PPTC7: variants seen among roughly 807,000 people sequenced by gnomAD.
PPTC7 encodes protein phosphatase targeting COQ7.
Under a neutral mutation model 30.8 loss-of-function variants are expected in PPTC7, and 6 were observed. That is an observed-to-expected ratio of 0.19 (90% CI 0.11 to 0.38). The LOEUF (loss-of-function observed/expected upper bound fraction) is 0.38, where lower values mean the gene tolerates loss of function less well. Ranked by LOEUF, PPTC7 falls within the 10% of genes least tolerant of loss-of-function variation. PPTC7 has a pLI of 1.00. For missense variants in PPTC7, 218 were observed against 404.8 expected, an observed-to-expected ratio of 0.54 and a Z score of 3.96; for synonymous variants, 163 against 168.1, an observed-to-expected ratio of 0.97 and a Z score of 0.23.
At chr12:110,557,328 G>C (rs2064397622) in intron 1 of PPTC7, among the ~76,000 whole-genome samples, 1 of 152,240 alleles carries the variant, frequency 6.6e-6, no homozygotes, top group East Asian at 1.9e-4. Context: ...CCAGGCTGGA[G>C]TAGTGGCCTG....
At chr12:110,547,580 AGAT>A (rs2064317786) in intron 2 of PPTC7, among the ~76,000 whole-genome samples, 1 of 152,260 alleles carries the variant, frequency 6.6e-6, no homozygotes, top group Admixed American at 6.5e-5. Flanking sequence ...CAACAAAAAA[AGAT>A]GATGTCAAAA....
In PPTC7 at chr12:110,536,736, GAAAAGT is replaced by G. The variant is rs2064221190; in HGVS notation, c.*295_*300del. ...TCATTTTCAATACTTCAACTACTTT[GAAAAGT>G]AACAGCCACGGTGGCACTGAACACC... On this transcript the variant is annotated 3_prime_UTR_variant, in exon 6 of 6. Transcript: ENST00000354300. 1 of 338,122 alleles carries G rather than the reference GAAAAGT, an allele frequency of 3.0e-6. No homozygotes were observed. Among genetic ancestry groups the G allele is most frequent in the East Asian group, 5.0e-5 (1 of 20,178 alleles). 20.9% of individuals were successfully genotyped at this position (338,122 alleles called of 1,614,324 possible). A position where few individuals can be genotyped will look rare whatever the true frequency, so the allele number is the denominator to read the frequency against.
chr12:110,536,923 C>T lies in PPTC7; in HGVS notation c.*114G>A. The T allele has an allele frequency of 1.3e-6, 1 of 747,468 alleles. No individual in the cohort carries two copies. 46.3% of individuals were successfully genotyped at this position (747,468 alleles called of 1,614,324 possible). ...CTCAAGAAGACAGGCAAAAGACTTA[C>T]ATCACTGGCCATTGAGATCAGTGGC... On this transcript the variant is annotated 3_prime_UTR_variant, in exon 6 of 6. Coordinates refer to ENST00000354300, the MANE Select transcript of PPTC7 (RefSeq NM_139283.2).
In PPTC7 at chr12:110,539,585, C is replaced by G. The variant is rs976044094; in HGVS notation, c.726+237G>C. Among the ~76,000 whole-genome samples, 11 of 152,300 alleles carry G rather than the reference C, an allele frequency of 7.2e-5. No individual in the cohort carries two copies. In the South Asian group the frequency reaches 1.9e-3, roughly 26 times the overall value. On this transcript the variant is annotated intron_variant, in intron 4 of 5. Transcript: ENST00000354300. ...ATTAAAATATAAATAAAGATACAAA[C>G]AAGAAATGCCCTCCATCTAGACTTT...
intron 3 of PPTC7, among the ~76,000 whole-genome samples, chr12:110,541,912 G>A (rs1309435963): frequency 1.3e-5 from 2 of 151,342 alleles, no homozygotes; most frequent in African/African-American, 4.9e-5. Context: ...TTGGGAAGCC[G>A]AGGCAAGCAG....
intron 1 of PPTC7, 48 bp downstream of exon 1, chr12:110,582,761 G>C: frequency 6.8e-7 from 1 of 1,461,416 alleles, no homozygotes; most frequent in South Asian, 1.3e-5. Context: ...GGGAGTCCCC[G>C]GGAGGCGGAT....
In PPTC7 at chr12:110,537,013, G is replaced by GA. The variant is rs766723625; in HGVS notation, c.*23dup. 6.3e-7 allele frequency: 1 copy of GA among 1,594,082 alleles called. No individual in the cohort carries two copies. The highest frequency in any genetic ancestry group is 8.6e-7 in the Non-Finnish European group (1 of 1,164,842). ...CAGGGGAAATTTGGGATGATGAAAG[G>GA]AAAGGCAGGACTTGACACCTCAGCT... On this transcript the variant is annotated 3_prime_UTR_variant, in exon 6 of 6. Coordinates refer to ENST00000354300, the MANE Select transcript of PPTC7 (RefSeq NM_139283.2).
intron 3 of PPTC7, among the ~76,000 whole-genome samples, chr12:110,542,694 A>AAG (rs2064271409): frequency 8.9e-5 from 13 of 146,802 alleles, no homozygotes; most frequent in African/African-American, 2.8e-4. Context: ...AAAAAAAAAA[A>AAG]AAAAAGAAAA....
rs754341495 is a variant in PPTC7 at position 110,582,953 on chromosome 12, C to T, written c.79G>A (p.Gly27Ser). The T allele has an allele frequency of 3.2e-6, 5 of 1,541,760 alleles. No individual in the cohort carries two copies. The Admixed American group carries it at 9.8e-5, about 30-fold the overall frequency. ...GGLSQTDPRA[G>S]GGGGGDYGLV... ...CCGTAGTCGCCGCCGCCGCCGCCGC[C>T]GGCCCTGGGGTCGGTCTGCGAGAGG... is the stretch of plus-strand genomic sequence containing the variant. The change falls in exon 1 of 6, where the codon GGC becomes AGC. Residue 27 changes from glycine (G) to serine (S), a missense_variant. By Grantham distance (56) the Gly-to-Ser change is moderately conservative (BLOSUM62 0). Transcript: ENST00000354300.
At chr12:110,575,116 C>T (rs1048724430) in intron 1 of PPTC7, among the ~76,000 whole-genome samples, 4 of 151,586 alleles carry the variant, frequency 2.6e-5, no homozygotes, top group Non-Finnish European at 5.9e-5. Context: ...AAATATATGA[C>T]GACTCCCAAA....
intron 1 of PPTC7, among the ~76,000 whole-genome samples, chr12:110,571,275 A>G (rs961949838): frequency 1.3e-5 from 2 of 152,030 alleles, no homozygotes; most frequent in Admixed American, 6.6e-5. Context: ...CAAATAATAG[A>G]ACAATTTTGC....
At position 110,539,826 on chromosome 12, in the gene PPTC7, A is replaced by G; in HGVS notation, c.722T>C (p.Leu241Ser). The change falls in exon 4 of 6, where the codon TTA (leucine) becomes TCA (serine). Residue 241 changes from leucine to serine, a missense_variant. Physicochemically the swap from Leu to Ser is moderately radical, Grantham distance 145. Coordinates refer to ENST00000354300, the MANE Select transcript of PPTC7 (RefSeq NM_139283.2). The part of the protein sequence containing the change: ...DYMILQELKK[L>S]KNSNYESIQQ... ...GCTAACCTTTGAGTTAATTACCTTT[A>G]ACTTTTTTAGCTCCTGAAGAATCAT... The G allele has an allele frequency of 6.2e-7, 1 of 1,613,912 alleles. No individual in the cohort carries two copies. Among genetic ancestry groups the G allele is most frequent in the Non-Finnish European group, 8.5e-7 (1 of 1,179,888 alleles).
At chr12:110,570,769 C>G (rs905413101) in intron 1 of PPTC7, among the ~76,000 whole-genome samples, 3 of 147,424 alleles carry the variant, frequency 2.0e-5, no homozygotes, top group South Asian at 4.5e-4. Flanking sequence ...CTGACCCTCT[C>G]CCCACAATTG....
At chr12:110,542,412 C>T (rs527507915) in intron 3 of PPTC7, among the ~76,000 whole-genome samples, 5 of 151,928 alleles carry the variant, frequency 3.3e-5, no homozygotes, top group African/African-American at 9.6e-5. Context: ...TGGCTCACAC[C>T]TGTAATCCCA....
chr12:110,559,490 C>T (rs1303712323), intron 1 of PPTC7, among the ~76,000 whole-genome samples: 1 of 151,366 alleles, frequency 6.6e-6, no homozygotes, highest in African/African-American at 2.4e-5. Flanking sequence ...CTTTGGGAGG[C>T]CGAGGTGGGC....
intron 1 of PPTC7, among the ~76,000 whole-genome samples, chr12:110,579,115 C>T (rs1220342653): frequency 6.6e-6 from 1 of 151,818 alleles, no homozygotes; most frequent in Non-Finnish European, 1.5e-5. Context: ...TGCCACTGCA[C>T]TCCAGCCTGG....
At chr12:110,545,081 CATTTTGGTTTTATT>C (rs1232166876) in intron 3 of PPTC7, among the ~76,000 whole-genome samples, 4 of 151,738 alleles carry the variant, frequency 2.6e-5, no homozygotes, top group East Asian at 1.9e-4. Context: ...ACCTCAAGAC[CATTTTGGTTTTATT>C]GTTTTGGTTT....
chr12:110,553,145 T>G (rs1056262384), intron 1 of PPTC7, among the ~76,000 whole-genome samples: 3 of 144,776 alleles, frequency 2.1e-5, no homozygotes, highest in Non-Finnish European at 3.0e-5. Context: ...ATCGCGCCAT[T>G]GCATCCCACC....
chr12:110,545,012 C>T (rs2064294105), intron 3 of PPTC7, among the ~76,000 whole-genome samples: 1 of 152,136 alleles, frequency 6.6e-6, no homozygotes, highest in Non-Finnish European at 1.5e-5. Flanking sequence ...TGGACTCCAG[C>T]GATTTTCCAG....
Sources: allele counts gnomAD v4.1 joint callset (sites outside exome capture counted in the v4.1 genomes callset), GRCh38; gene constraint gnomAD v4.1.1; transcripts MANE v1.5; gene names NCBI Gene and HGNC (gene_info 2026-07-23, HGNC 2026-07-21).